The following ARL15 variants were observed in gnomAD, a reference collection of about 807,000 sequenced individuals.
ARL15 encodes ARF like GTPase 15, also known as ADP-ribosylation factor-like protein 15.
In ARL15, 19 loss-of-function variants were observed where a neutral mutation model predicts 25.2. That is an observed-to-expected ratio of 0.75 (90% CI 0.53 to 1.10). The LOEUF (loss-of-function observed/expected upper bound fraction) is 1.10, where lower values mean the gene tolerates loss of function less well. Among genes scored for constraint, ARL15 ranks in the 50% least tolerant of loss-of-function variants. The probability of loss-of-function intolerance (pLI) is 0.00; values close to 1 mark genes in which losing one functional copy is unlikely to be tolerated. For missense variants in ARL15, 220 were observed against 246.0 expected (o/e 0.89, Z 0.71); for synonymous variants, 94 against 86.8 (o/e 1.08, Z -0.46).
At chr5:54,266,822 A>C (rs1243230858) in intron 1 of ARL15, among the ~76,000 whole-genome samples, 2 of 152,240 alleles carry the variant, frequency 1.3e-5, no homozygotes, top group Non-Finnish European at 2.9e-5. Context: ...ATACTAAAAC[A>C]CAATGAGCAG....
At chr5:54,136,676 T>C (rs1753615184) in intron 3 of ARL15, among the ~76,000 whole-genome samples, 1 of 152,210 alleles carries the variant, frequency 6.6e-6, no homozygotes, top group African/African-American at 2.4e-5. Flanking sequence ...TTTTGAACTG[T>C]ATTGGAATTA....
At chr5:53,945,419 G>A (rs898654535) in intron 4 of ARL15, among the ~76,000 whole-genome samples, 12 of 152,136 alleles carry the variant, frequency 7.9e-5, no homozygotes, top group Admixed American at 1.3e-4. Context: ...TCTTTGGTTC[G>A]TTAACTCAGT....
chr5:54,255,252 A>G (rs997223130), intron 1 of ARL15, among the ~76,000 whole-genome samples: 6 of 152,182 alleles, frequency 3.9e-5, no homozygotes, highest in Non-Finnish European at 7.3e-5. Context: ...AATGGCTGGA[A>G]AGGGAAGTTT....
intron 3 of ARL15, among the ~76,000 whole-genome samples, chr5:54,124,835 A>G (rs1753193889): frequency 6.6e-6 from 1 of 152,158 alleles, no homozygotes; most frequent in African/African-American, 2.4e-5. Context: ...GAAATGTTAC[A>G]TGGTGAAGGC....
At chr5:53,991,769 G>A (rs1003110292) in intron 4 of ARL15, among the ~76,000 whole-genome samples, 4 of 151,984 alleles carry the variant, frequency 2.6e-5, no homozygotes, top group Admixed American at 6.6e-5. Flanking sequence ...CCCACGTAGT[G>A]GGAGAGTGAT....
chr5:54,200,386 G>T (rs1306940276), intron 1 of ARL15, among the ~76,000 whole-genome samples: 1 of 150,720 alleles, frequency 6.6e-6, no homozygotes, highest in Non-Finnish European at 1.5e-5. Context: ...GCATAATTGT[G>T]TATCAAAATG....
chr5:54,181,666 G>A (rs561021214), intron 1 of ARL15, among the ~76,000 whole-genome samples: 15 of 152,288 alleles, frequency 9.8e-5, no homozygotes, highest in Admixed American at 4.6e-4. Context: ...GGGCACAGTC[G>A]CTCATGCTGG....
chr5:54,280,135 C>T (rs1758019167), intron 1 of ARL15, among the ~76,000 whole-genome samples: 1 of 152,172 alleles, frequency 6.6e-6, no homozygotes, highest in African/African-American at 2.4e-5. Flanking sequence ...AAATTCTTCC[C>T]CATCCCTCCT....
At chr5:54,079,239 G>A (rs57249213) in intron 4 of ARL15, among the ~76,000 whole-genome samples, 5,397 of 151,984 alleles carry the variant, frequency 0.036, 335 homozygotes, top group African/African-American at 0.13. Flanking sequence ...CTATGATTTC[G>A]CTGGATAATT....
At chr5:54,115,968 G>A (rs956010250) in intron 3 of ARL15, among the ~76,000 whole-genome samples, 1 of 152,172 alleles carries the variant, frequency 6.6e-6, no homozygotes, top group Admixed American at 6.5e-5. Flanking sequence ...GCTGTCAGGA[G>A]AAACTAGAAG....
chr5:53,926,069 A>G (rs1482282889), intron 4 of ARL15, among the ~76,000 whole-genome samples: 1 of 149,788 alleles, frequency 6.7e-6, no homozygotes, highest in African/African-American at 2.5e-5. Context: ...TAAAGAAGAT[A>G]CATCATCGCA....
At chr5:54,267,207 TC>T (rs1305312571) in intron 1 of ARL15, among the ~76,000 whole-genome samples, 2 of 152,214 alleles carry the variant, frequency 1.3e-5, no homozygotes, top group East Asian at 3.8e-4. Flanking sequence ...TTCTCCTGCC[TC>T]AGCCTCCTGA....
In ARL15 at chr5:54,161,233, G is replaced by A. The variant is rs1754393547; in HGVS notation, c.194-6594C>T. On this transcript the variant is annotated intron_variant, in intron 2 of 4. Coordinates refer to ENST00000504924, the MANE Select transcript of ARL15 (RefSeq NM_019087.3). Reference sequence around the variant, plus strand: ...TTAGTTGCAATACAAAATGTTGCAAGAAATTGCTTTATGCATATAGTTTCC... The same window carrying A: ...TTAGTTGCAATACAAAATGTTGCAAAAAATTGCTTTATGCATATAGTTTCC... Among the ~76,000 whole-genome samples the A allele has an allele frequency of 2.6e-5, 4 of 152,036 alleles. No individual in the cohort carries two copies. In the South Asian group the frequency reaches 8.3e-4, roughly 31 times the overall value.
chr5:53,977,570 A>G (rs1311142397), intron 4 of ARL15, among the ~76,000 whole-genome samples: 1 of 152,168 alleles, frequency 6.6e-6, no homozygotes, highest in Non-Finnish European at 1.5e-5. Flanking sequence ...ATATAGATCA[A>G]TATTACTTCA....
intron 2 of ARL15, among the ~76,000 whole-genome samples, chr5:54,163,555 A>AAAAG (rs1485215271): frequency 5.3e-5 from 8 of 151,582 alleles, no homozygotes; most frequent in African/African-American, 1.9e-4. Context: ...TAGACTTAAA[A>AAAAG]AAAGAAAGAA....
At chr5:54,204,951 T>C (rs1027402423) in intron 1 of ARL15, among the ~76,000 whole-genome samples, 3 of 117,824 alleles carry the variant, frequency 2.5e-5, no homozygotes, top group African/African-American at 1.0e-4. Context: ...TTTTTTTCCT[T>C]GAGATGGAGT....
At chr5:53,928,959 T>C (rs936775523) in intron 4 of ARL15, among the ~76,000 whole-genome samples, 1 of 152,230 alleles carries the variant, frequency 6.6e-6, no homozygotes, top group African/African-American at 2.4e-5. Flanking sequence ...TGCCAGTTTG[T>C]ATAGGGCCCA....
chr5:54,032,546 G>C (rs1214631420), intron 4 of ARL15, among the ~76,000 whole-genome samples: 2 of 151,532 alleles, frequency 1.3e-5, no homozygotes, highest in East Asian at 1.9e-4. Flanking sequence ...GTTTATTCAT[G>C]ACTCCTTTTG....
chr5:54,221,750 T>C (rs1021204461), intron 1 of ARL15, among the ~76,000 whole-genome samples: 3 of 151,830 alleles, frequency 2.0e-5, no homozygotes, highest in Admixed American at 2.0e-4. Flanking sequence ...AAAATCTCTG[T>C]CAAGCTTACA....
Sources: allele counts gnomAD v4.1 joint callset (sites outside exome capture counted in the v4.1 genomes callset), GRCh38; gene constraint gnomAD v4.1.1; transcripts MANE v1.5; gene names NCBI Gene and HGNC (gene_info 2026-07-23, HGNC 2026-07-21).